ATOSA: variants seen among roughly 807,000 people sequenced by gnomAD.
The protein encoded by ATOSA is atos homolog protein A.
chr15:52,622,960 TATAAATAAATAAATAA>T, the ATOSA span, among the ~76,000 whole-genome samples: 655 of 136,158 alleles, frequency 4.8e-3, 1 homozygote, highest in African/African-American at 9.2e-3. Context: ...CTGTCCCTAT[TATAAATAAATAAATAA>T]ATAAATAAAT....
At chr15:52,628,102 T>G in the ATOSA span, among the ~76,000 whole-genome samples, 2 of 152,184 alleles carry the variant, frequency 1.3e-5, no homozygotes, top group Admixed American at 1.3e-4. Context: ...AATTTGGAAT[T>G]TAATTCTCTC....
the ATOSA span, among the ~76,000 whole-genome samples, chr15:52,632,455 A>G: frequency 6.6e-6 from 1 of 152,198 alleles, no homozygotes; most frequent in Non-Finnish European, 1.5e-5. Context: ...AGTGTAGCAT[A>G]ATTAGGAGAA....
the ATOSA span, among the ~76,000 whole-genome samples, chr15:52,694,827 C>G: frequency 1.3e-5 from 2 of 152,024 alleles, no homozygotes; most frequent in Non-Finnish European, 2.9e-5. Flanking sequence ...ATCTATTATA[C>G]CTTTTAAAAT....
chr15:52,667,023 A>C, the ATOSA span, among the ~76,000 whole-genome samples: 1 of 152,332 alleles, frequency 6.6e-6, no homozygotes, highest in South Asian at 2.1e-4. Flanking sequence ...CAAAGTGTCA[A>C]ATGTGCTTGT....
the ATOSA span, chr15:52,613,587 A>C: frequency 7.4e-7 from 1 of 1,359,314 alleles, no homozygotes; most frequent in Non-Finnish European, 1.0e-6. Flanking sequence ...GAAATATGAC[A>C]ATTATAACTG....
the ATOSA span, chr15:52,608,927 C>A: frequency 6.2e-7 from 1 of 1,606,518 alleles, no homozygotes. Flanking sequence ...TTATAGTTCT[C>A]ATTTATTATT....
chr15:52,597,205 A>G, the ATOSA span, among the ~76,000 whole-genome samples: 59 of 2,106 alleles, frequency 0.028, 1 homozygote, highest in Non-Finnish European at 0.043. Context: ...ATTCTATTCT[A>G]TTCTATTCTA....
the ATOSA span, among the ~76,000 whole-genome samples, chr15:52,587,984 C>T: frequency 4.6e-5 from 7 of 152,142 alleles, no homozygotes; most frequent in East Asian, 1.2e-3. Context: ...GATTCTAAAT[C>T]AGAACACAAT....
chr15:52,667,873 G>A, the ATOSA span, among the ~76,000 whole-genome samples: 7 of 152,272 alleles, frequency 4.6e-5, no homozygotes, highest in South Asian at 2.1e-4. Context: ...ACCTTACTCC[G>A]GTTAGAATGG....
chr15:52,700,860 A>T, the ATOSA span, among the ~76,000 whole-genome samples: 30 of 152,228 alleles, frequency 2.0e-4, no homozygotes, highest in Non-Finnish European at 5.9e-5. Context: ...AAATGGAAAG[A>T]TATCCCTTGT....
chr15:52,647,784 C>T, the ATOSA span, among the ~76,000 whole-genome samples: 50 of 152,194 alleles, frequency 3.3e-4, no homozygotes, highest in Non-Finnish European at 1.5e-5. Context: ...AAGAATCAAA[C>T]TGTATGAATA....
At chr15:52,664,673 T>TGGGGGGG in the ATOSA span, among the ~76,000 whole-genome samples, 1 of 152,184 alleles carries the variant, frequency 6.6e-6, no homozygotes, top group African/African-American at 2.4e-5. Context: ...GTGCGCATGG[T>TGGGGGGG]GGCTTACGCC....
the ATOSA span, chr15:52,678,048 G>T: frequency 6.2e-7 from 1 of 1,613,978 alleles, no homozygotes; most frequent in Non-Finnish European, 8.5e-7. Context: ...CGCCCAGAGT[G>T]CTGTGAAATG....
At chr15:52,596,011 G>A in the ATOSA span, among the ~76,000 whole-genome samples, 4 of 152,088 alleles carry the variant, frequency 2.6e-5, no homozygotes, top group Non-Finnish European at 5.9e-5. Context: ...CTACTTGGGA[G>A]GCTGAGGTGG....
chr15:52,704,446 G>A, the ATOSA span, among the ~76,000 whole-genome samples: 2 of 152,122 alleles, frequency 1.3e-5, no homozygotes, highest in African/African-American at 4.8e-5. Context: ...ATAGGCATGG[G>A]CAAAGGCTTA....
chr15:52,706,636 T>C, the ATOSA span, among the ~76,000 whole-genome samples: 2 of 152,086 alleles, frequency 1.3e-5, no homozygotes, highest in African/African-American at 2.4e-5. Flanking sequence ...TCCGGGAAAG[T>C]TGAGCATCCA....
chr15:52,655,309 A>G, the ATOSA span, among the ~76,000 whole-genome samples: 1 of 152,170 alleles, frequency 6.6e-6, no homozygotes, highest in Non-Finnish European at 1.5e-5. Flanking sequence ...CAGCCTCATT[A>G]TACCTCAAAA....
chr15:52,702,830 A>G, the ATOSA span, among the ~76,000 whole-genome samples: 4 of 151,668 alleles, frequency 2.6e-5, no homozygotes, highest in African/African-American at 4.8e-5. Context: ...ATGGATAATC[A>G]CAAAAGATAT....
the ATOSA span, chr15:52,611,441 G>A: frequency 6.0e-6 from 7 of 1,172,310 alleles, no homozygotes; most frequent in Non-Finnish European, 2.4e-6. Context: ...ACTCATTTTA[G>A]TGCCAAATAT....
Sources: allele counts gnomAD v4.1 joint callset (sites outside exome capture counted in the v4.1 genomes callset), GRCh38; gene constraint gnomAD v4.1.1; transcripts MANE v1.5; gene names NCBI Gene and HGNC (gene_info 2026-07-23, HGNC 2026-07-21).